The following SECISBP2L variants were observed in gnomAD, a reference collection of about 807,000 sequenced individuals.
SECISBP2L encodes the protein SECIS binding protein 2 like.
SECISBP2L carries 43 observed loss-of-function variants against 114.7 expected under a neutral mutation model. The ratio of observed to expected loss-of-function variants is 0.38; its 90% CI spans 0.29 to 0.48. The LOEUF is 0.48. Ranked by LOEUF, SECISBP2L falls within the 20% of genes least tolerant of loss-of-function variation. The pLI is 0.98. For missense variants in SECISBP2L, 1,136 were observed against 1,301.1 expected (o/e 0.87, Z 1.95); for synonymous variants, 451 against 439.7 (o/e 1.03, Z -0.32).
chr15:49,017,200 A>C (rs1902554494), intron 9 of SECISBP2L, 185 bp from the exon 10 acceptor site: 7 of 625,164 alleles, frequency 1.1e-5, no homozygotes, highest in Admixed American at 6.8e-5. Context: ...AAGGGACAAA[A>C]CAGCTTAATG....
At chr15:49,036,306 C>T (rs748807464) in intron 2 of SECISBP2L, among the ~76,000 whole-genome samples, 1 of 152,162 alleles carries the variant, frequency 6.6e-6, no homozygotes, top group Non-Finnish European at 1.5e-5. Context: ...AAAACACTAG[C>T]AAAATTCTTC....
In SECISBP2L at chr15:49,044,749, C is replaced by T. The variant is rs1046346097; in HGVS notation, c.24+1527G>A. 7.9e-5 allele frequency among the ~76,000 whole-genome samples: 12 copies of T among 152,148 alleles called. 1 individual carries two copies. The highest frequency in any genetic ancestry group is 7.2e-4 in the Admixed American group (11 of 15,276). On this transcript the variant is annotated intron_variant, in intron 1 of 17. Transcript: ENST00000559471. ...GGCTCTCTAGTTTAAATAATTTGCT[C>T]ACAGCACTTGCTGCTAGGATAATCA...
intron 14 of SECISBP2L, among the ~76,000 whole-genome samples, chr15:49,005,524 A>C (rs1902299985): frequency 7.6e-6 from 1 of 131,086 alleles, no homozygotes; most frequent in African/African-American, 3.0e-5. Flanking sequence ...GTTGGTTTAA[A>C]GTCTGTTTTA....
At chr15:49,028,803 A>G in intron 4 of SECISBP2L, 121 bp from the exon 5 acceptor site, 1 of 830,086 alleles carries the variant, frequency 1.2e-6, no homozygotes, top group Non-Finnish European at 1.9e-6. Flanking sequence ...GAAATAGGTG[A>G]CAACTTTTTG....
Position 49,046,296 on chromosome 15 carries a change from C to G in SECISBP2L, c.4G>C (p.Asp2His). 1 of 1,553,962 alleles carries G rather than the reference C, an allele frequency of 6.4e-7. No homozygotes were observed. The highest frequency in any genetic ancestry group is 8.7e-7 in the Non-Finnish European group (1 of 1,151,428). ...CGTACCTGCTCCGTGGGGGCTCGGT[C>G]CATGGTGCCTGCAGCCGCAACGGGC... MDRAPTEQNVKL... is the reference protein window; with the variant it reads MHRAPTEQNVKL... The change falls in exon 1 of 18, where the codon GAC (aspartate) becomes CAC (histidine). Residue 2 changes from aspartate to histidine, a missense_variant. By Grantham distance (81) the Asp-to-His change is moderately conservative. This residue lies in a region of SECISBP2L where 452 missense variants were observed against 452.3 expected (regional missense o/e 1.00). Transcript: ENST00000559471.
chr15:49,028,047 T>A, intron 6 of SECISBP2L, 97 bp downstream of exon 6: 1 of 1,122,268 alleles, frequency 8.9e-7, no homozygotes, highest in East Asian at 2.6e-5. Flanking sequence ...ACTTCTAAGT[T>A]TTTTTTGCAG....
chr15:49,013,802 G>A (rs1419104585), intron 11 of SECISBP2L, among the ~76,000 whole-genome samples: 1 of 152,062 alleles, frequency 6.6e-6, no homozygotes, highest in African/African-American at 2.4e-5. Context: ...CTCACCAACT[G>A]TCTTTATTCT....
intron 4 of SECISBP2L, 103 bp from the exon 5 acceptor site, chr15:49,028,785 T>A: frequency 1.0e-6 from 1 of 973,208 alleles, no homozygotes; most frequent in Non-Finnish European, 1.5e-6. Flanking sequence ...CCAAACTTCA[T>A]AAATGAAGAA....
In SECISBP2L at chr15:49,046,446, T is replaced by A. The variant is rs1903254868; in HGVS notation, c.-147A>T. ...CGCGACACCGATTCGGCTACGCCAC[T>A]GGCCGAGGAGGCGGCTCCAGCTCCG... On this transcript the variant is annotated 5_prime_UTR_variant, in exon 1 of 18. Transcript: ENST00000559471. 3 of 866,704 alleles carry A rather than the reference T, an allele frequency of 3.5e-6. No homozygotes were observed. Among genetic ancestry groups the A allele is most frequent in the Non-Finnish European group, 3.3e-6 (2 of 611,424 alleles). 53.7% of individuals were successfully genotyped at this position (866,704 alleles called of 1,614,324 possible). A position where few individuals can be genotyped will look rare whatever the true frequency, so the allele number is the denominator to read the frequency against.
At chr15:49,025,838 A>G (rs962717815) in intron 7 of SECISBP2L, among the ~76,000 whole-genome samples, 4 of 152,178 alleles carry the variant, frequency 2.6e-5, no homozygotes, top group African/African-American at 9.7e-5. Context: ...TTTCCTCAAA[A>G]ACTAAAAAAG....
At chr15:49,016,367 G>C in intron 11 of SECISBP2L, 193 bp downstream of exon 11, 1 of 472,080 alleles carries the variant, frequency 2.1e-6, no homozygotes, top group Non-Finnish European at 3.7e-6. Context: ...GTGTGGAAAG[G>C]AGCATGGACA....
chr15:49,006,044 T>C (rs1902316704), intron 14 of SECISBP2L, among the ~76,000 whole-genome samples: 1 of 152,176 alleles, frequency 6.6e-6, no homozygotes, highest in African/African-American at 2.4e-5. Context: ...AATTCTGGAT[T>C]GAAAATTCTT....
chr15:49,031,171 C>T (rs1434846581), intron 4 of SECISBP2L, among the ~76,000 whole-genome samples: 1 of 151,056 alleles, frequency 6.6e-6, no homozygotes, highest in East Asian at 2.0e-4. Flanking sequence ...ACCTCAGCCT[C>T]CCAGATAGCT....
intron 17 of SECISBP2L, among the ~76,000 whole-genome samples, chr15:48,993,531 A>T (rs1415022763): frequency 1.3e-5 from 2 of 152,186 alleles, no homozygotes; most frequent in Non-Finnish European, 2.9e-5. Flanking sequence ...AAGAGCCAAG[A>T]TGTCCAGCAA....
intron 9 of SECISBP2L, among the ~76,000 whole-genome samples, chr15:49,017,252 A>G (rs28618261): frequency 1.3e-5 from 2 of 152,240 alleles, no homozygotes; most frequent in African/African-American, 4.8e-5. Flanking sequence ...GAAATAAAAC[A>G]AAATACATCC....
rs768414776 is a variant in SECISBP2L at position 48,992,528 on chromosome 15, A to G, written c.3022T>C (p.Ser1008Pro). 10 of 1,614,150 alleles carry G rather than the reference A, an allele frequency of 6.2e-6. No individual in the cohort carries two copies. The highest frequency in any genetic ancestry group is 7.6e-6 in the Non-Finnish European group (9 of 1,180,028). ...CTACTATTGAGCTGCACTTCTACAG[A>G]TATGGGTTCATGAGTATAATCTTCC... is the stretch of plus-strand genomic sequence containing the variant. ...EEEDYTHEPI[S>P]VEVQLNSRIE... The change falls in exon 18 of 18, where the codon TCT (serine) becomes CCT (proline). Residue 1008 changes from serine (S) to proline (P), a missense_variant. Physicochemically the swap from Ser to Pro is moderately conservative, Grantham distance 74. Transcript: ENST00000559471.
chr15:48,994,274 G>C (rs1902044860), intron 17 of SECISBP2L, among the ~76,000 whole-genome samples: 1 of 152,024 alleles, frequency 6.6e-6, no homozygotes. Context: ...ACTATACCAT[G>C]ACACCTGTAG....
intron 11 of SECISBP2L, 163 bp downstream of exon 11, chr15:49,016,397 A>C (rs1023792131): frequency 5.4e-6 from 3 of 559,442 alleles, no homozygotes; most frequent in Non-Finnish European, 5.7e-6. Context: ...CTTGCGGTTT[A>C]AGCTGACTTA....
Position 48,991,277 on chromosome 15 carries a change from T to G in SECISBP2L, c.*967A>C, listed in dbSNP as rs1398428623. The stretch of plus-strand genomic sequence containing the variant: ...CTCAAGGCTAGGTGCAAAATAGGTA[T>G]TTTTTAAAAGGTGAAACAGTTTTGC... On this transcript the variant is annotated 3_prime_UTR_variant, in exon 18 of 18. Transcript: ENST00000559471. 2 of 152,252 alleles carry G rather than the reference T, an allele frequency of 1.3e-5. No homozygotes were observed. Among genetic ancestry groups the G allele is most frequent in the Non-Finnish European group, 2.9e-5 (2 of 68,030 alleles). The allele number at this position is 152,252 out of a possible 1,614,324, so 9.4% of individuals were successfully genotyped here. A position where few individuals can be genotyped will look rare whatever the true frequency, so the allele number is the denominator to read the frequency against.
Sources: allele counts gnomAD v4.1 joint callset (sites outside exome capture counted in the v4.1 genomes callset), GRCh38; gene constraint gnomAD v4.1.1; regional missense constraint gnomAD v4.1.1; transcripts MANE v1.5; gene names NCBI Gene and HGNC (gene_info 2026-07-23, HGNC 2026-07-21).